Variants in ATP13A4 observed in about 807,000 individuals in gnomAD.
The protein encoded by ATP13A4 is ATPase 13A4.
ATP13A4 carries 114 observed loss-of-function variants against 142.5 expected under a neutral mutation model. That is an observed-to-expected ratio of 0.80 (90% CI 0.69 to 0.93). The LOEUF (loss-of-function observed/expected upper bound fraction) is 0.93, where lower values mean the gene tolerates loss of function less well. ATP13A4 is among the 40% of genes least tolerant of loss of function. The probability of loss-of-function intolerance (pLI) is 0.00; values close to 1 mark genes in which losing one functional copy is unlikely to be tolerated. For missense variants in ATP13A4, 1,392 were observed against 1,454.0 expected (o/e 0.96, Z 0.69); for synonymous variants, 488 against 514.8 (o/e 0.95, Z 0.70).
At position 193,448,229 on chromosome 3, in the gene ATP13A4, C is replaced by T. The variant is rs751528475; in HGVS notation, c.2129G>A (p.Arg710Gln). Residue 710 changes from arginine (R) to glutamine (Q), a missense_variant, in exon 18 of 30, where the codon CGG becomes CAG. By Grantham distance (43) the Arg-to-Gln change is conservative. Transcript: ENST00000342695. Reference sequence around the variant, plus strand: ...ACCTGTGATCATTACAGTCCTTATCCGGGCTGAGATGAGCTCTTCCAAGAC... The same window carrying T: ...ACCTGTGATCATTACAGTCCTTATCTGGGCTGAGATGAGCTCTTCCAAGAC... ...KPVLEELISA[R>Q]IRTVMITGDN... The T allele has an allele frequency of 2.4e-5, 38 of 1,613,926 alleles. No homozygotes were observed. Among genetic ancestry groups the T allele is most frequent in the South Asian group, 1.3e-4 (12 of 91,080 alleles).
intron 25 of ATP13A4, among the ~76,000 whole-genome samples, chr3:193,415,752 G>A (rs561225943): frequency 2.6e-5 from 4 of 151,448 alleles, no homozygotes; most frequent in African/African-American, 9.8e-5. Context: ...GTTGCCTAGG[G>A]CAAAAAAATT....
intron 8 of ATP13A4, 127 bp downstream of exon 8, chr3:193,483,809 C>T: frequency 1.1e-6 from 1 of 927,860 alleles, no homozygotes. Context: ...TTCCTCATCC[C>T]TTTGAACAAA....
At chr3:193,547,698 C>G (rs1307273501) in intron 1 of ATP13A4, among the ~76,000 whole-genome samples, 2 of 152,172 alleles carry the variant, frequency 1.3e-5, no homozygotes, top group Non-Finnish European at 2.9e-5. Flanking sequence ...CCCTGGGTTC[C>G]TAACTTGCAG....
chr3:193,500,330 T>G (rs1278111667), intron 3 of ATP13A4, among the ~76,000 whole-genome samples: 1 of 152,166 alleles, frequency 6.6e-6, no homozygotes, highest in African/African-American at 2.4e-5. Context: ...TAGCTTTGCC[T>G]GTAATCCTGC....
chr3:193,459,266 C>G (rs747877143), intron 13 of ATP13A4, 35 bp from the exon 14 acceptor site: 1 of 1,613,138 alleles, frequency 6.2e-7, no homozygotes, highest in South Asian at 1.1e-5. Flanking sequence ...TCCATTCCAT[C>G]GCCTCATGCC....
In ATP13A4 at chr3:193,401,037, G is replaced by A. The variant is rs1714244123; in HGVS notation, c.*1615C>T. 6.6e-6 allele frequency among the ~76,000 whole-genome samples: 1 copy of A among 152,148 alleles called. No individual in the cohort carries two copies. The highest frequency in any genetic ancestry group is 2.4e-5 in the African/African-American group (1 of 41,438). Reference sequence around the variant, plus strand: ...CCAGAAGTAACAGGGTACCCTCATGGCTGGGAGACACCATGTTCCTAGAAT... The same window carrying A: ...CCAGAAGTAACAGGGTACCCTCATGACTGGGAGACACCATGTTCCTAGAAT... On this transcript the variant is annotated 3_prime_UTR_variant, in exon 30 of 30. Transcript: ENST00000342695.
In ATP13A4 at chr3:193,412,226, G is replaced by A. The variant is rs1264596679; in HGVS notation, c.3160C>T (p.Leu1054Phe). 6.8e-6 allele frequency: 11 copies of A among 1,613,092 alleles called. No individual in the cohort carries two copies. Among genetic ancestry groups the A allele is most frequent in the Middle Eastern group, 1.6e-4 (1 of 6,082 alleles). Reference sequence around the variant, plus strand: ...AATGGTTTTCCTTTAGAGAACACAAGAGCCACAGTGATACAGTTGATTGTT... The same window carrying A: ...AATGGTTTTCCTTTAGAGAACACAAAAGCCACAGTGATACAGTTGATTGTT... ...LGTINCITVA[L>F]VFSKGKPFRQ... Residue 1054 changes from leucine to phenylalanine, a missense_variant, in exon 27 of 30, where the codon CTT becomes TTT. Leu to Phe is a conservative substitution (Grantham distance 22). Coordinates refer to ENST00000342695, the MANE Select transcript of ATP13A4 (RefSeq NM_032279.4).
chr3:193,434,903 T>G (rs1221201652), intron 24 of ATP13A4, among the ~76,000 whole-genome samples: 1 of 152,238 alleles, frequency 6.6e-6, no homozygotes, highest in Non-Finnish European at 1.5e-5. Flanking sequence ...TGGCTTATAC[T>G]AACACTTAAA....
chr3:193,402,933 C>G, intron 29 of ATP13A4, 69 bp from the exon 30 acceptor site: 1 of 1,386,234 alleles, frequency 7.2e-7, no homozygotes, highest in Non-Finnish European at 1.0e-6. Flanking sequence ...CCTCCACAGG[C>G]CATCATAAGT....
intron 2 of ATP13A4, among the ~76,000 whole-genome samples, chr3:193,507,263 A>C (rs761787160): frequency 3.3e-5 from 5 of 152,180 alleles, no homozygotes; most frequent in Non-Finnish European, 5.9e-5. Flanking sequence ...TTCTCAGGCT[A>C]TTCTAAAATG....
At chr3:193,425,786 G>C (rs3912728) in intron 25 of ATP13A4, among the ~76,000 whole-genome samples, 77,600 of 151,494 alleles carry the variant, frequency 0.51, 20,362 homozygotes, top group Non-Finnish European at 0.57. Context: ...GGAGGAATAA[G>C]TTCTATTGTT....
At chr3:193,412,124 T>C (rs1386356615) in intron 27 of ATP13A4, 54 bp downstream of exon 27, 1 of 1,489,934 alleles carries the variant, frequency 6.7e-7, no homozygotes, top group Non-Finnish European at 9.4e-7. Context: ...CCTGGACATG[T>C]CTGTTCCCCT....
chr3:193,429,524 A>C (rs971183426), intron 25 of ATP13A4, among the ~76,000 whole-genome samples: 2 of 152,104 alleles, frequency 1.3e-5, no homozygotes. Flanking sequence ...AACCAGATAC[A>C]ATGGTACAAA....
chr3:193,488,408 G>C (rs1490332787), intron 7 of ATP13A4, among the ~76,000 whole-genome samples: 1 of 152,116 alleles, frequency 6.6e-6, no homozygotes, highest in Non-Finnish European at 1.5e-5. Context: ...CTTGAAACAG[G>C]ACCTGAACAC....
At chr3:193,567,628 C>T (rs1724163571) in intron 2 of ATP13A4, among the ~76,000 whole-genome samples, 1 of 152,158 alleles carries the variant, frequency 6.6e-6, no homozygotes, top group East Asian at 1.9e-4. Flanking sequence ...TCACTTGGTG[C>T]CAAGAAATGA....
intron 1 of ATP13A4, among the ~76,000 whole-genome samples, chr3:193,517,602 T>A (rs1017083591): frequency 6.6e-6 from 1 of 152,158 alleles, no homozygotes; most frequent in Non-Finnish European, 1.5e-5. Flanking sequence ...TGCCTCAGCC[T>A]CCCGAGTAGC....
At chr3:193,588,708 G>A (rs1724710622) in intron 1 of ATP13A4, among the ~76,000 whole-genome samples, 1 of 152,064 alleles carries the variant, frequency 6.6e-6, no homozygotes, top group Admixed American at 6.6e-5. Flanking sequence ...GCCTCTGTGG[G>A]TAGTAACTGT....
intron 4 of ATP13A4, 37 bp downstream of exon 4, chr3:193,493,053 T>C (rs1302933118): frequency 6.2e-7 from 1 of 1,606,832 alleles, no homozygotes; most frequent in Admixed American, 1.7e-5. Flanking sequence ...TGAGATAACA[T>C]TTTTCTTCTT....
chr3:193,527,337 G>T (rs1722060107), intron 1 of ATP13A4, among the ~76,000 whole-genome samples: 1 of 152,080 alleles, frequency 6.6e-6, no homozygotes, highest in South Asian at 2.1e-4. Flanking sequence ...TTCCTGACTG[G>T]GTGCAGTGGC....
Sources: gnomAD v4.1 joint callset for allele counts (sites outside exome capture counted in the v4.1 genomes callset) on GRCh38, gnomAD v4.1.1 for gene constraint, MANE v1.5 for transcripts, NCBI Gene and HGNC (gene_info 2026-07-23, HGNC 2026-07-21) for gene names.